KCNMA1: variants seen among roughly 807,000 people sequenced by gnomAD.
KCNMA1 encodes the protein potassium calcium-activated channel subfamily M alpha 1.
A neutral mutation model predicts 140.0 loss-of-function variants in KCNMA1; 29 were observed. That is an observed-to-expected ratio of 0.21 (90% CI 0.15 to 0.28). KCNMA1 has a LOEUF of 0.28. Ranked by LOEUF, KCNMA1 falls within the 10% of genes least tolerant of loss-of-function variation. The pLI is 1.00. For synonymous variants in KCNMA1, 612 were observed against 611.9 expected (o/e 1.00, Z 0.00); for missense variants, 880 against 1,602.2 (o/e 0.55, Z 7.70).
At chr10:77,225,956 G>A (rs73282124) in intron 3 of KCNMA1, among the ~76,000 whole-genome samples, 2,290 of 152,262 alleles carry the variant, frequency 0.015, 55 homozygotes, top group African/African-American at 0.052. Flanking sequence ...GCATCTTCCC[G>A]TCAATGCCCT....
intron 3 of KCNMA1, among the ~76,000 whole-genome samples, chr10:77,217,891 C>A (rs2048324117): frequency 6.6e-6 from 1 of 152,148 alleles, no homozygotes; most frequent in African/African-American, 2.4e-5. Context: ...ACCAGGGATT[C>A]TTGATGTGCA....
intron 2 of KCNMA1, among the ~76,000 whole-genome samples, chr10:77,290,011 C>T (rs923056232): frequency 1.3e-5 from 2 of 152,124 alleles, no homozygotes; most frequent in African/African-American, 4.8e-5. Flanking sequence ...AAAACAGATC[C>T]CTGGCTGCCA....
chr10:77,375,372 G>A (rs574879836), intron 2 of KCNMA1, among the ~76,000 whole-genome samples: 4 of 152,268 alleles, frequency 2.6e-5, no homozygotes, highest in African/African-American at 9.6e-5. Context: ...ACCCCTAGGA[G>A]CTACTCAACA....
chr10:77,177,648 C>A (rs2098764426), intron 5 of KCNMA1, among the ~76,000 whole-genome samples: 1 of 151,966 alleles, frequency 6.6e-6, no homozygotes, highest in African/African-American at 2.4e-5. Context: ...TCTGTGGGTA[C>A]ACACCATGCT....
chr10:77,340,579 G>A (rs2090579032), intron 2 of KCNMA1, among the ~76,000 whole-genome samples: 1 of 151,948 alleles, frequency 6.6e-6, no homozygotes, highest in African/African-American at 2.4e-5. Context: ...GGATGAAGCT[G>A]GAAACCGTCA....
At chr10:77,571,550 A>G (rs2071331010) in intron 1 of KCNMA1, among the ~76,000 whole-genome samples, 1 of 152,186 alleles carries the variant, frequency 6.6e-6, no homozygotes, top group Non-Finnish European at 1.5e-5. Context: ...GCCAAAACAG[A>G]TAAGGGCCCC....
chr10:77,147,250 G>A (rs965629549), intron 5 of KCNMA1, among the ~76,000 whole-genome samples: 1 of 152,192 alleles, frequency 6.6e-6, no homozygotes, highest in African/African-American at 2.4e-5. Context: ...TTAAGTGTCT[G>A]CAGGTCTCTT....
At chr10:77,321,622 C>T (rs2082346776) in intron 2 of KCNMA1, among the ~76,000 whole-genome samples, 2 of 152,174 alleles carry the variant, frequency 1.3e-5, no homozygotes, top group African/African-American at 4.8e-5. Context: ...GCAATTAATA[C>T]TTTCGAAGAA....
At chr10:77,636,965 G>C in intron 1 of KCNMA1, 4 of 1,412,808 alleles carry the variant, frequency 2.8e-6, no homozygotes, top group Non-Finnish European at 2.7e-6. Flanking sequence ...ACCCGAGCCT[G>C]TGAGTCCCCG....
At chr10:77,261,747 C>T (rs948160319) in intron 2 of KCNMA1, among the ~76,000 whole-genome samples, 6 of 152,080 alleles carry the variant, frequency 3.9e-5, no homozygotes, top group South Asian at 2.1e-4. Flanking sequence ...ACATTAAAAC[C>T]GATGCACTGG....
At chr10:77,188,503 T>A (rs1394752584) in intron 3 of KCNMA1, among the ~76,000 whole-genome samples, 1 of 152,120 alleles carries the variant, frequency 6.6e-6, no homozygotes, top group Admixed American at 6.5e-5. Flanking sequence ...AAATTTAGCA[T>A]GTTGACCAGG....
At chr10:77,547,088 T>A (rs879374278) in intron 1 of KCNMA1, among the ~76,000 whole-genome samples, 2 of 152,160 alleles carry the variant, frequency 1.3e-5, no homozygotes, top group Non-Finnish European at 2.9e-5. Flanking sequence ...CCAGCCTGGA[T>A]AACCCATCAG....
chr10:76,982,345 A>G (rs1238685698), intron 19 of KCNMA1, among the ~76,000 whole-genome samples: 1 of 147,240 alleles, frequency 6.8e-6, no homozygotes, highest in African/African-American at 2.5e-5. Context: ...AAAAAAAAAG[A>G]AAGGAAGAAA....
At chr10:76,928,710 C>T (rs1037381261) in intron 23 of KCNMA1, among the ~76,000 whole-genome samples, 18 of 152,104 alleles carry the variant, frequency 1.2e-4, no homozygotes, top group Non-Finnish European at 2.4e-4. Flanking sequence ...GTAAGGCATG[C>T]AATCAAAGAC....
At chr10:77,026,449 G>A (rs563817970) in intron 16 of KCNMA1, among the ~76,000 whole-genome samples, 1 of 152,338 alleles carries the variant, frequency 6.6e-6, no homozygotes, top group East Asian at 1.9e-4. Flanking sequence ...ACAGGTACAA[G>A]TGAGTATTGG....
At chr10:77,195,553 G>T (rs1375479786) in intron 3 of KCNMA1, among the ~76,000 whole-genome samples, 1 of 151,930 alleles carries the variant, frequency 6.6e-6, no homozygotes, top group African/African-American at 2.4e-5. Flanking sequence ...TCATCTCCTG[G>T]AACATTTCTT....
Position 77,132,149 on chromosome 10 carries a change from A to G in KCNMA1, c.809-11101T>C, listed in dbSNP as rs903427623. 3.3e-5 allele frequency among the ~76,000 whole-genome samples: 5 copies of G among 152,272 alleles called. No homozygotes were observed. In the East Asian group the frequency reaches 7.7e-4, roughly 24 times the overall value. The stretch of plus-strand genomic sequence containing the variant: ...CTTTAGAAAAATATTTGAAAAATAT[A>G]AAGAGTTGTGAAAAACTATCTCAAC... On this transcript the variant is annotated intron_variant, in intron 5 of 27. Coordinates refer to ENST00000286628, the MANE Select transcript of KCNMA1 (RefSeq NM_001161352.2).
intron 1 of KCNMA1, among the ~76,000 whole-genome samples, chr10:77,619,625 C>T (rs142235654): frequency 5.3e-5 from 8 of 152,234 alleles, no homozygotes; most frequent in Non-Finnish European, 8.8e-5. Context: ...CCACATTGAG[C>T]GACCCCTGGT....
At position 77,409,148 on chromosome 10, in the gene KCNMA1, G is replaced by A. The variant is rs533353351; in HGVS notation, c.379-5125C>T. 1.1e-4 allele frequency among the ~76,000 whole-genome samples: 16 copies of A among 152,254 alleles called. No homozygotes were observed. The South Asian group carries it at 3.1e-3, about 30-fold the overall frequency. On this transcript the variant is annotated intron_variant, in intron 1 of 27. Transcript: ENST00000286628. The stretch of plus-strand genomic sequence containing the variant: ...CTTTTTGTTGACATGGCCGCAGAGG[G>A]GCTCACCCTTCCTATGTCACCTGGG...
Sources: gnomAD v4.1 joint callset for allele counts (sites outside exome capture counted in the v4.1 genomes callset) on GRCh38, gnomAD v4.1.1 for gene constraint, MANE v1.5 for transcripts, NCBI Gene and HGNC (gene_info 2026-07-23, HGNC 2026-07-21) for gene names.